Variants in CALN1 observed in about 807,000 individuals in gnomAD.
The protein encoded by CALN1 is calneuron 1, also known as calcium-binding protein 8.
CALN1 carries 17 observed loss-of-function variants against 30.6 expected under a neutral mutation model. That is an observed-to-expected ratio of 0.56 (90% CI 0.38 to 0.83). The LOEUF is 0.83. CALN1 is among the 40% of genes least tolerant of loss of function. The probability of loss-of-function intolerance (pLI) is 0.00; values close to 1 mark genes in which losing one functional copy is unlikely to be tolerated. For synonymous variants in CALN1, 156 were observed against 131.4 expected (o/e 1.19, Z -1.28); for missense variants, 291 against 354.9 (o/e 0.82, Z 1.45).
intron 5 of CALN1, among the ~76,000 whole-genome samples, chr7:71,970,620 C>T (rs1158548469): frequency 6.6e-6 from 1 of 150,562 alleles, no homozygotes; most frequent in African/African-American, 2.5e-5. Flanking sequence ...CCCTTTTATG[C>T]CCTCCAGAAA....
intron 4 of CALN1, among the ~76,000 whole-genome samples, chr7:72,079,359 T>C (rs922145730): frequency 2.6e-5 from 4 of 152,172 alleles, no homozygotes; most frequent in Non-Finnish European, 4.4e-5. Context: ...CACTAGAATA[T>C]AAACTCCATA....
At chr7:72,406,106 AAC>A (rs1585679393) in intron 1 of CALN1, among the ~76,000 whole-genome samples, 1 of 152,170 alleles carries the variant, frequency 6.6e-6, no homozygotes, top group East Asian at 1.9e-4. Flanking sequence ...GTGCCAGAGA[AAC>A]ACAAAGCCAG....
intron 3 of CALN1, among the ~76,000 whole-genome samples, chr7:72,134,971 CTT>C (rs1314629265): frequency 6.6e-6 from 1 of 152,194 alleles, no homozygotes; most frequent in Non-Finnish European, 1.5e-5. Flanking sequence ...TACAAAGCAT[CTT>C]TACCAGGAGT....
intron 5 of CALN1, among the ~76,000 whole-genome samples, chr7:71,995,795 T>A (rs982636062): frequency 6.6e-6 from 1 of 151,388 alleles, no homozygotes; most frequent in African/African-American, 2.4e-5. Context: ...ATCCTTGTGG[T>A]TGAATCCACT....
intron 5 of CALN1, among the ~76,000 whole-genome samples, chr7:71,979,387 T>A (rs574789339): frequency 1.8e-4 from 28 of 152,258 alleles, no homozygotes; most frequent in Non-Finnish European, 3.1e-4. Context: ...GACAGTCTCA[T>A]CTGGGGGTGA....
Position 72,116,636 on chromosome 7 carries a change from A to G in CALN1, c.245-10342T>C, listed in dbSNP as rs546984806. On this transcript the variant is annotated intron_variant, in intron 3 of 6. Transcript: ENST00000395275. ...TAGCGGCCAGCCATACCTCCAAGTT[A>G]GCTGCAAGTATTAATCTGGAACTAG... 8.0e-4 allele frequency among the ~76,000 whole-genome samples: 122 copies of G among 152,286 alleles called. 1 individual carries two copies. The highest frequency in any genetic ancestry group is 2.7e-3 in the African/African-American group (112 of 41,572).
chr7:71,827,775 A>AAAAAAAAT (rs1554347603), intron 5 of CALN1, among the ~76,000 whole-genome samples: 107 of 140,338 alleles, frequency 7.6e-4, no homozygotes, highest in East Asian at 5.6e-3. Flanking sequence ...CCATCTTAAA[A>AAAAAAAAT]AAATAAATAA....
intron 5 of CALN1, among the ~76,000 whole-genome samples, chr7:71,908,018 A>G (rs1794234338): frequency 6.6e-6 from 1 of 152,198 alleles, no homozygotes; most frequent in African/African-American, 2.4e-5. Context: ...CCTATACCAG[A>G]TTATTGTGGA....
intron 2 of CALN1, among the ~76,000 whole-genome samples, chr7:72,326,040 T>C (rs1427220064): frequency 6.6e-6 from 1 of 152,136 alleles, no homozygotes; most frequent in Non-Finnish European, 1.5e-5. Flanking sequence ...GTGGCCAGGA[T>C]TACCGGTGCC....
At chr7:72,119,253 A>C (rs1273346123) in intron 3 of CALN1, among the ~76,000 whole-genome samples, 1 of 152,150 alleles carries the variant, frequency 6.6e-6, no homozygotes, top group Non-Finnish European at 1.5e-5. Flanking sequence ...GAGGCCTCAC[A>C]ATCATGGTAG....
intron 5 of CALN1, among the ~76,000 whole-genome samples, chr7:71,902,256 C>T (rs1197578373): frequency 3.0e-5 from 4 of 134,198 alleles, no homozygotes; most frequent in African/African-American, 9.1e-5. Context: ...AACCAACCAA[C>T]CAACCAACCA....
intron 5 of CALN1, among the ~76,000 whole-genome samples, chr7:71,990,983 G>A (rs1439308422): frequency 6.6e-6 from 1 of 150,672 alleles, no homozygotes; most frequent in Non-Finnish European, 1.5e-5. Context: ...TAAATCAGGA[G>A]TACTAACGCA....
chr7:71,812,149 G>T (rs902336338), intron 5 of CALN1, among the ~76,000 whole-genome samples: 1 of 152,202 alleles, frequency 6.6e-6, no homozygotes, highest in Non-Finnish European at 1.5e-5. Context: ...TCAGAATGAG[G>T]ATAAAGTGGG....
intron 3 of CALN1, among the ~76,000 whole-genome samples, chr7:72,209,526 CCCTCCCTCTCTCCGCCCTCCGTT>C (rs143214788): frequency 0.2 from 30,249 of 148,764 alleles, 3,318 homozygotes; most frequent in East Asian, 0.29. Context: ...TTTCTTCCTT[CCCTCCCTCTCTCCGCCCTCCGTT>C]CCTCCCTCTC....
In CALN1 at chr7:71,858,503, G is replaced by GAA. The variant is rs75639187; in HGVS notation, c.502-48013_502-48012dup. 5.0e-3 allele frequency among the ~76,000 whole-genome samples: 696 copies of GAA among 137,918 alleles called. 4 individuals are homozygous for GAA. Among genetic ancestry groups the GAA allele is most frequent in the African/African-American group, 0.017 (655 of 38,476 alleles). The allele number at this position is 137,918 out of a possible 152,430, so 90.5% of individuals were successfully genotyped here. A position where few individuals can be genotyped will look rare whatever the true frequency, so the allele number is the denominator to read the frequency against. On this transcript the variant is annotated intron_variant, in intron 5 of 6. Transcript: ENST00000395275. ...ATACAAGATAGCTACAAAGAGTAAA[G>GAA]AAAAAAAAAAAAGCTACAGACCTCC...
intron 2 of CALN1, among the ~76,000 whole-genome samples, chr7:72,361,614 G>A (rs1803572848): frequency 6.6e-6 from 1 of 152,196 alleles, no homozygotes; most frequent in African/African-American, 2.4e-5. Context: ...TGGACCAAAT[G>A]ATACCACGTT....
At chr7:72,370,371 T>C (rs919978409) in intron 2 of CALN1, among the ~76,000 whole-genome samples, 1 of 152,244 alleles carries the variant, frequency 6.6e-6, no homozygotes, top group Non-Finnish European at 1.5e-5. Context: ...GCTCTTCATA[T>C]GCTTTAGATA....
intron 5 of CALN1, among the ~76,000 whole-genome samples, chr7:71,895,495 C>A (rs1187062529): frequency 6.6e-6 from 1 of 152,162 alleles, no homozygotes; most frequent in Non-Finnish European, 1.5e-5. Context: ...TGACATGACT[C>A]ATTTTGTTTC....
chr7:71,990,101 C>T (rs947538211), intron 5 of CALN1, among the ~76,000 whole-genome samples: 1 of 151,958 alleles, frequency 6.6e-6, no homozygotes, highest in Non-Finnish European at 1.5e-5. Context: ...AAATACAGGT[C>T]ACAAAGATGT....
Sources: gnomAD v4.1 joint callset for allele counts (sites outside exome capture counted in the v4.1 genomes callset) on GRCh38, gnomAD v4.1.1 for gene constraint, MANE v1.5 for transcripts, NCBI Gene and HGNC (gene_info 2026-07-23, HGNC 2026-07-21) for gene names.